Variants in PLPPR4 observed in about 807,000 individuals in gnomAD.
PLPPR4 encodes the protein phospholipid phosphatase related 4.
A neutral mutation model predicts 56.6 loss-of-function variants in PLPPR4; 24 were observed. That is an observed-to-expected ratio of 0.42 (90% confidence interval 0.31 to 0.60). PLPPR4 has a LOEUF of 0.60. PLPPR4 is among the 20% of genes least tolerant of loss of function. PLPPR4 has a pLI of 0.13. For missense variants in PLPPR4, 654 were observed against 885.8 expected (o/e 0.74, Z 3.32); for synonymous variants, 326 against 328.1 (o/e 0.99, Z 0.07).
intron 1 of PLPPR4, among the ~76,000 whole-genome samples, chr1:99,279,824 AT>A (rs1305179780): frequency 1.3e-5 from 2 of 152,138 alleles, no homozygotes; most frequent in African/African-American, 4.8e-5. Context: ...TATCTTAGGG[AT>A]CCCAAGGAGG....
intron 1 of PLPPR4, among the ~76,000 whole-genome samples, chr1:99,284,869 G>T (rs992310985): frequency 6.6e-6 from 1 of 152,060 alleles, no homozygotes; most frequent in African/African-American, 2.4e-5. Context: ...AAATCAGTAC[G>T]ATTAGGCCCC....
At position 99,307,752 on chromosome 1, in the gene PLPPR4, TCTGCTTA is replaced by T. The variant is rs1235131028; in HGVS notation, c.*745_*751del. 2 of 152,226 alleles carry T rather than the reference TCTGCTTA, an allele frequency of 1.3e-5. No homozygotes were observed. The highest frequency in any genetic ancestry group is 4.1e-4 in the South Asian group (2 of 4,836). The allele number at this position is 152,226 out of a possible 1,614,324, so 9.4% of individuals were successfully genotyped here. On this transcript the variant is annotated 3_prime_UTR_variant, in exon 7 of 7. Transcript: ENST00000370185. ...TAGTACTTTTCTGCATAGTTTTTCTTCTGCTTACTTTTTATTTAAGTATAGGTACTGC... is the reference window on the plus strand; with the variant it reads ...TAGTACTTTTCTGCATAGTTTTTCTTCTTTTTATTTAAGTATAGGTACTGC...
At chr1:99,302,509 T>TA (rs1242107998) in intron 6 of PLPPR4, among the ~76,000 whole-genome samples, 13 of 149,554 alleles carry the variant, frequency 8.7e-5, no homozygotes, top group Non-Finnish European at 1.5e-4. Context: ...TATTCTTTTT[T>TA]TTATTATTAT....
chr1:99,264,444 C>T (rs1274144618), upstream of PLPPR4: 9 of 1,473,112 alleles, frequency 6.1e-6, no homozygotes, highest in Non-Finnish European at 7.1e-6. Context: ...AAGGCGGGGG[C>T]GCTGCATGCA....
chr1:99,301,666 T>C, intron 5 of PLPPR4, 58 bp from the exon 6 acceptor site: 3 of 1,230,818 alleles, frequency 2.4e-6, no homozygotes, highest in East Asian at 4.8e-5. Flanking sequence ...TATTTGATTA[T>C]AATTTACTAA....
intron 4 of PLPPR4, among the ~76,000 whole-genome samples, chr1:99,300,248 A>C (rs1168650158): frequency 6.6e-6 from 1 of 151,974 alleles, no homozygotes; most frequent in African/African-American, 2.4e-5. Context: ...TCATTGAAAC[A>C]AATCTCTATT....
intron 3 of PLPPR4, 119 bp downstream of exon 3, chr1:99,296,986 A>C: frequency 9.3e-7 from 1 of 1,073,760 alleles, no homozygotes. Flanking sequence ...TCAGTACATG[A>C]TGAGTTTTAT....
intron 1 of PLPPR4, among the ~76,000 whole-genome samples, chr1:99,287,128 A>G (rs1383936470): frequency 6.6e-6 from 1 of 152,042 alleles, no homozygotes; most frequent in Non-Finnish European, 1.5e-5. Flanking sequence ...TATGAATGAG[A>G]ATATGTGTGT....
At chr1:99,270,039 GT>G (rs1557772577) in intron 1 of PLPPR4, among the ~76,000 whole-genome samples, 12 of 149,096 alleles carry the variant, frequency 8.0e-5, no homozygotes, top group African/African-American at 2.7e-4. Flanking sequence ...GTGTGTGTGT[GT>G]GTGTGGCAGG....
intron 2 of PLPPR4, among the ~76,000 whole-genome samples, chr1:99,290,424 T>C (rs545722179): frequency 2.6e-5 from 4 of 152,072 alleles, no homozygotes; most frequent in Non-Finnish European, 2.9e-5. Context: ...ATGTTCTTCA[T>C]AGAACTAGAA....
chr1:99,301,473 GACTAAACAGTTAAATGGTTA>G (rs1659883262), intron 5 of PLPPR4, among the ~76,000 whole-genome samples: 1 of 151,964 alleles, frequency 6.6e-6, no homozygotes, highest in Non-Finnish European at 1.5e-5. Context: ...GTAACATGGA[GACTAAACAGTTAAATGGTTA>G]ACTCTACTGT....
At chr1:99,298,031 G>T (rs959576131) in intron 3 of PLPPR4, among the ~76,000 whole-genome samples, 2 of 152,130 alleles carry the variant, frequency 1.3e-5, no homozygotes, top group African/African-American at 4.8e-5. Context: ...AAGTTTCTGT[G>T]TCATGAATCC....
chr1:99,281,158 A>C (rs1393293923), intron 1 of PLPPR4, among the ~76,000 whole-genome samples: 1 of 152,142 alleles, frequency 6.6e-6, no homozygotes, highest in East Asian at 1.9e-4. Flanking sequence ...AATGTAAAAA[A>C]ACCCCTCATT....
chr1:99,270,805 A>G (rs1004876570), intron 1 of PLPPR4, among the ~76,000 whole-genome samples: 3 of 152,214 alleles, frequency 2.0e-5, no homozygotes, highest in African/African-American at 7.2e-5. Context: ...GATTGTATAG[A>G]AGTAGAGTCT....
At position 99,308,689 on chromosome 1, in the gene PLPPR4, A is replaced by C. The variant is rs1660109586; in HGVS notation, c.*1679A>C. The C allele has an allele frequency of 6.6e-6, 1 of 152,624 alleles. No individual in the cohort carries two copies. The highest frequency in any genetic ancestry group is 2.4e-5 in the African/African-American group (1 of 41,450). The allele number at this position is 152,624 out of a possible 1,614,324, so 9.5% of individuals were successfully genotyped here. On this transcript the variant is annotated 3_prime_UTR_variant, in exon 7 of 7. Transcript: ENST00000370185. ...CCACATGAAAAAGGTGGAGCTTTCT[A>C]GAAAAACCAACCTCTAAGGCATTAG...
chr1:99,263,617 C>A (rs1557770078), upstream of PLPPR4, among the ~76,000 whole-genome samples: 1 of 152,104 alleles, frequency 6.6e-6, no homozygotes, highest in Admixed American at 6.5e-5. Context: ...TCTATATCAA[C>A]TTGATACTTC....
chr1:99,271,943 T>TGTGTGAGA lies in PLPPR4; in HGVS notation c.78+7273_78+7274insTGTGAGAG, dbSNP rs140869914. ...GTGTGTGTGTGTGTGTGTGTGTGTG[T>TGTGTGAGA]GATGGAGATCCAATCTGTGAGCAAA... On this transcript the variant is annotated intron_variant, in intron 1 of 6. Transcript: ENST00000370185. Among the ~76,000 whole-genome samples the TGTGTGAGA allele has an allele frequency of 1.3e-3, 162 of 127,042 alleles. 1 individual carries two copies. Among genetic ancestry groups the TGTGTGAGA allele is most frequent in the African/African-American group, 4.2e-3 (145 of 34,248 alleles). 83.3% of individuals were successfully genotyped at this position (127,042 alleles called of 152,430 possible). A position where few individuals can be genotyped will look rare whatever the true frequency, so the allele number is the denominator to read the frequency against.
chr1:99,287,991 T>C lies in PLPPR4; in HGVS notation c.105T>C (p.Val35=), dbSNP rs752494946. Residue 35 remains valine, a synonymous_variant, in exon 2 of 7, where the codon GTT becomes GTC. Transcript: ENST00000370185. ...VELPILASSV[V]SLYFLELTDV... The stretch of plus-strand genomic sequence containing the variant: ...TGCCTATATTGGCATCATCGGTGGT[T>C]AGCCTCTATTTCCTCGAACTCACAG... 5 of 1,613,342 alleles carry C rather than the reference T, an allele frequency of 3.1e-6. No homozygotes were observed. Among genetic ancestry groups the C allele is most frequent in the Non-Finnish European group, 4.2e-6 (5 of 1,179,692 alleles).
Position 99,284,000 on chromosome 1 carries a change from G to A in PLPPR4, c.79-3965G>A, listed in dbSNP as rs984778971. Among the ~76,000 whole-genome samples, 4 of 152,138 alleles carry A rather than the reference G, an allele frequency of 2.6e-5. No homozygotes were observed. In the East Asian group the frequency reaches 7.7e-4, roughly 29 times the overall value. The stretch of plus-strand genomic sequence containing the variant: ...AAAAGCTTGGTTCACACTTTTTTGG[G>A]GGCTGTATCATGACTAGAGAATAAA... On this transcript the variant is annotated intron_variant, in intron 1 of 6. Coordinates refer to ENST00000370185, the MANE Select transcript of PLPPR4 (RefSeq NM_014839.5).
Sources: allele counts gnomAD v4.1 joint callset (sites outside exome capture counted in the v4.1 genomes callset), GRCh38; gene constraint gnomAD v4.1.1; transcripts MANE v1.5; gene names NCBI Gene and HGNC (gene_info 2026-07-23, HGNC 2026-07-21).